IMPACT: variants seen among roughly 807,000 people sequenced by gnomAD.
IMPACT encodes protein IMPACT.
IMPACT carries 35 observed loss-of-function variants against 47.5 expected under a neutral mutation model. The ratio of observed to expected loss-of-function variants is 0.74; its 90% confidence interval spans 0.56 to 0.98. The LOEUF is 0.98. Among genes scored for constraint, IMPACT ranks in the 50% least tolerant of loss-of-function variants. IMPACT has a pLI of 0.00. For missense variants in IMPACT, 373 were observed against 394.8 expected, an observed-to-expected ratio of 0.94 and a Z score of 0.47; for synonymous variants, 118 against 125.6, an observed-to-expected ratio of 0.94 and a Z score of 0.40.
intron 10 of IMPACT, 115 bp from the exon 11 acceptor site, chr18:24,450,664 T>C (rs780119001): frequency 1.4e-5 from 9 of 642,864 alleles, no homozygotes; most frequent in African/African-American, 1.3e-4. Flanking sequence ...CATACATACA[T>C]ATATGTATGA....
chr18:24,431,845 G>A (rs1029126975), intron 4 of IMPACT, among the ~76,000 whole-genome samples: 1 of 152,096 alleles, frequency 6.6e-6, no homozygotes, highest in African/African-American at 2.4e-5. Flanking sequence ...GGGACTACAG[G>A]CGCCCGCCAC....
At chr18:24,431,432 G>A (rs1362000244) in intron 4 of IMPACT, among the ~76,000 whole-genome samples, 1 of 152,172 alleles carries the variant, frequency 6.6e-6, no homozygotes, top group Non-Finnish European at 1.5e-5. Flanking sequence ...GCAGAGTTTT[G>A]TAGGTTATGT....
chr18:24,450,616 C>T (rs1354088688), intron 10 of IMPACT, among the ~76,000 whole-genome samples, 163 bp from the exon 11 acceptor site: 1 of 151,936 alleles, frequency 6.6e-6, no homozygotes, highest in Non-Finnish European at 1.5e-5. Flanking sequence ...AGAAATGACA[C>T]ATATAAAAGT....
chr18:24,450,072 A>T, intron 10 of IMPACT, 119 bp downstream of exon 10: 1 of 1,069,138 alleles, frequency 9.4e-7, no homozygotes, highest in Non-Finnish European at 1.4e-6. Context: ...AAACCTTTGG[A>T]CTCAGAACCT....
chr18:24,448,038 A>C, intron 8 of IMPACT, 55 bp from the exon 9 acceptor site: 1 of 1,002,314 alleles, frequency 1.0e-6, no homozygotes, highest in Non-Finnish European at 1.5e-6. Flanking sequence ...TTGAGGAATA[A>C]GTTTTATTAT....
chr18:24,433,184 C>CTTTTTTTT (rs35543338), intron 4 of IMPACT, among the ~76,000 whole-genome samples: 9 of 81,100 alleles, frequency 1.1e-4, no homozygotes, highest in East Asian at 4.4e-4. Context: ...ACTTTTAAAA[C>CTTTTTTTT]TTTTTTTTTT....
chr18:24,429,266 C>G (rs998773958), intron 3 of IMPACT, among the ~76,000 whole-genome samples: 1 of 152,116 alleles, frequency 6.6e-6, no homozygotes, highest in Admixed American at 6.5e-5. Context: ...AGCCACAGTT[C>G]CTTGATGTAC....
At chr18:24,426,900 G>A in intron 1 of IMPACT, 108 bp downstream of exon 1, 1 of 711,542 alleles carries the variant, frequency 1.4e-6, no homozygotes, top group Non-Finnish European at 2.0e-6. Flanking sequence ...CCCGGGTTCC[G>A]CCAGCACTGG....
chr18:24,435,159 G>C (rs572788420), intron 4 of IMPACT, among the ~76,000 whole-genome samples: 2 of 151,886 alleles, frequency 1.3e-5, no homozygotes, highest in South Asian at 4.2e-4. Context: ...TTGTAAAGAA[G>C]GGGTCTTGCT....
At position 24,450,770 on chromosome 18, in the gene IMPACT, CT is replaced by C; in HGVS notation, c.895-4del. The stretch of plus-strand genomic sequence containing the variant: ...GGAGAGATGCTGCACTGATTTGTGT[CT>C]TTTTCAGGAGGAGTCATCTAAGGCT... On this transcript the variant is annotated splice_polypyrimidine_tract_variant and splice_region_variant and intron_variant, in intron 10 of 10. Transcript: ENST00000284202. The C allele has an allele frequency of 6.3e-7, 1 of 1,597,450 alleles. No homozygotes were observed. The highest frequency in any genetic ancestry group is 8.6e-7 in the Non-Finnish European group (1 of 1,166,606).
Position 24,452,673 on chromosome 18 carries a change from A to G in IMPACT, c.*1826A>G, listed in dbSNP as rs1342110754. 1.3e-5 allele frequency: 2 copies of G among 152,186 alleles called. No individual in the cohort carries two copies. Among genetic ancestry groups the G allele is most frequent in the Non-Finnish European group, 1.5e-5 (1 of 68,026 alleles). 9.4% of individuals were successfully genotyped at this position (152,186 alleles called of 1,614,324 possible). ...CACTCTACTCTTAATGGAAACTTGAACTAATGATAGATAGTATTTTTTTCC... is the reference window on the plus strand; with the variant it reads ...CACTCTACTCTTAATGGAAACTTGAGCTAATGATAGATAGTATTTTTTTCC... On this transcript the variant is annotated 3_prime_UTR_variant, in exon 11 of 11. Coordinates refer to ENST00000284202, the MANE Select transcript of IMPACT (RefSeq NM_018439.4).
Position 24,436,535 on chromosome 18 carries a change from GT to G in IMPACT, c.282-1411del, listed in dbSNP as rs879310891. On this transcript the variant is annotated intron_variant, in intron 4 of 10. Coordinates refer to ENST00000284202, the MANE Select transcript of IMPACT (RefSeq NM_018439.4). The stretch of plus-strand genomic sequence containing the variant: ...AGGTGTGAGCTGCCACATCTGGCCT[GT>G]TTTTTTTTGTTTTGTTTTTGTTTTT... 3.3e-4 allele frequency among the ~76,000 whole-genome samples: 49 copies of G among 149,694 alleles called. No homozygotes were observed. In the Middle Eastern group the frequency reaches 0.017, roughly 52 times the overall value.
chr18:24,430,295 C>G, intron 3 of IMPACT, 27 bp from the exon 4 acceptor site: 1 of 1,501,718 alleles, frequency 6.7e-7, no homozygotes, highest in Non-Finnish European at 9.0e-7. Flanking sequence ...CTTGAATAAT[C>G]TTCTTAATTG....
intron 7 of IMPACT, among the ~76,000 whole-genome samples, chr18:24,444,823 T>C (rs1909207208): frequency 6.6e-6 from 1 of 152,252 alleles, no homozygotes; most frequent in South Asian, 2.1e-4. Flanking sequence ...TGTCCTGTAC[T>C]TTTATTTGCT....
rs1311034645 is a variant in IMPACT, at chr18:24,429,062, G to C, written c.218+141G>C. 5.7e-6 allele frequency: 3 copies of C among 528,040 alleles called. No individual in the cohort carries two copies. In the East Asian group the frequency reaches 1.0e-4, roughly 18 times the overall value. The allele number at this position is 528,040 out of a possible 1,614,324, so 32.7% of individuals were successfully genotyped here. A position where few individuals can be genotyped will look rare whatever the true frequency, so the allele number is the denominator to read the frequency against. The stretch of plus-strand genomic sequence containing the variant: ...AAAAATACCTTTTGGGTTTGGTATA[G>C]AGCATTTAAATAAAAATTAAATTCT... On this transcript the variant is annotated intron_variant, in intron 3 of 10. Transcript: ENST00000284202.
At position 24,428,864 on chromosome 18, in the gene IMPACT, T is replaced by G. The variant is rs1286305158; in HGVS notation, c.166-5T>G. 6.2e-7 allele frequency: 1 copy of G among 1,610,356 alleles called. No individual in the cohort carries two copies. The highest frequency in any genetic ancestry group is 1.3e-5 in the African/African-American group (1 of 74,760). ...TAAACAGATGTTTTTGAACCTGCAT[T>G]GTAGGTGATGCTGCCGAATGAATAC... is the stretch of plus-strand genomic sequence containing the variant. On this transcript the variant is annotated splice_polypyrimidine_tract_variant and splice_region_variant and intron_variant, in intron 2 of 10. Coordinates refer to ENST00000284202, the MANE Select transcript of IMPACT (RefSeq NM_018439.4).
At position 24,426,685 on chromosome 18, in the gene IMPACT, C is replaced by T; in HGVS notation, c.-72C>T. On this transcript the variant is annotated 5_prime_UTR_variant, in exon 1 of 11. Coordinates refer to ENST00000284202, the MANE Select transcript of IMPACT (RefSeq NM_018439.4). ...GCCGCGCCGCAGCCAGCTCTCGGCT[C>T]GCAGCCGCAGCGCCCCGCCCCCGCG... The T allele has an allele frequency of 2.6e-6, 3 of 1,138,164 alleles. No individual in the cohort carries two copies. The highest frequency in any genetic ancestry group is 3.3e-6 in the Non-Finnish European group (3 of 901,658). 70.5% of individuals were successfully genotyped at this position (1,138,164 alleles called of 1,614,324 possible). A position where few individuals can be genotyped will look rare whatever the true frequency, so the allele number is the denominator to read the frequency against.
intron 1 of IMPACT, 151 bp from the exon 2 acceptor site, chr18:24,427,763 GTGACC>G: frequency 1.6e-6 from 1 of 629,874 alleles, no homozygotes. Flanking sequence ...GCAGAACATG[GTGACC>G]TGCTCTTAAG....
rs1486775845 is a variant in IMPACT at position 24,451,098 on chromosome 18, G to A, written c.*251G>A. ...TTAATCACCACTTCATCTAATTTTA[G>A]CAAGGTAACAGTTGCCCAGGGCAGT... On this transcript the variant is annotated 3_prime_UTR_variant, in exon 11 of 11. Transcript: ENST00000284202. 3.2e-6 allele frequency: 1 copy of A among 309,782 alleles called. No homozygotes were observed. Among genetic ancestry groups the A allele is most frequent in the Non-Finnish European group, 6.0e-6 (1 of 167,394 alleles). The allele number at this position is 309,782 out of a possible 1,614,324, so 19.2% of individuals were successfully genotyped here.
Sources: allele counts gnomAD v4.1 joint callset (sites outside exome capture counted in the v4.1 genomes callset), GRCh38; gene constraint gnomAD v4.1.1; transcripts MANE v1.5; gene names NCBI Gene and HGNC (gene_info 2026-07-23, HGNC 2026-07-21).